Variants in PIKFYVE observed in about 807,000 individuals in gnomAD.
PIKFYVE encodes the protein 1-phosphatidylinositol 3-phosphate 5-kinase.
In PIKFYVE, 122 loss-of-function variants were observed where a neutral mutation model predicts 257.9. The observed-to-expected ratio is 0.47, with a 90% CI of 0.41 to 0.55. The LOEUF (loss-of-function observed/expected upper bound fraction) is 0.55. Among genes scored for constraint, PIKFYVE ranks in the 20% least tolerant of loss-of-function variants. The pLI is 0.00. For synonymous variants in PIKFYVE, 892 were observed against 868.9 expected, an observed-to-expected ratio of 1.03 and a Z score of -0.47; for missense variants, 2,160 against 2,536.6, an observed-to-expected ratio of 0.85 and a Z score of 3.19.
Position 208,325,853 on chromosome 2 carries a change from C to G in PIKFYVE, c.3042C>G (p.Ala1014=), listed in dbSNP as rs1430543936. ...AGGATCCCAAAAGCCAGATAAGAGC[C>G]TTTAGAGACCCTCTACAGGATGACA... ...VLQDPKSQIR[A]FRDPLQDDTG... The change falls in exon 20 of 42, where the codon GCC becomes GCG. Residue 1014 remains alanine, a synonymous_variant. Transcript: ENST00000264380. 6.2e-7 allele frequency: 1 copy of G among 1,613,964 alleles called. No individual in the cohort carries two copies. The highest frequency in any genetic ancestry group is 1.3e-5 in the African/African-American group (1 of 74,896).
In PIKFYVE at chr2:208,358,736, G is replaced by T. The variant is rs942990583; in HGVS notation, c.*3431G>T. 1 of 152,582 alleles carries T rather than the reference G, an allele frequency of 6.6e-6. No individual in the cohort carries two copies. The highest frequency in any genetic ancestry group is 1.5e-5 in the Non-Finnish European group (1 of 68,026). 9.5% of individuals were successfully genotyped at this position (152,582 alleles called of 1,614,324 possible). A position where few individuals can be genotyped will look rare whatever the true frequency, so the allele number is the denominator to read the frequency against. ...TAAAGAAATCTTAACAATAAACTCA[G>T]AATCTACTTACTCCACTTAGTTTTG... On this transcript the variant is annotated 3_prime_UTR_variant, in exon 42 of 42. Coordinates refer to ENST00000264380, the MANE Select transcript of PIKFYVE (RefSeq NM_015040.4).
intron 41 of PIKFYVE, 53 bp downstream of exon 41, chr2:208,354,698 A>G: frequency 6.9e-7 from 1 of 1,444,036 alleles, no homozygotes; most frequent in Admixed American, 1.7e-5. Flanking sequence ...TATCAGTTAA[A>G]ATTTTAAAAG....
At chr2:208,335,669 T>G in intron 25 of PIKFYVE, 124 bp from the exon 26 acceptor site, 1 of 889,332 alleles carries the variant, frequency 1.1e-6, no homozygotes, top group East Asian at 2.5e-5. Flanking sequence ...AAACTGTATG[T>G]AATTCTTAAT....
intron 7 of PIKFYVE, among the ~76,000 whole-genome samples, chr2:208,291,310 GA>G (rs1463152597): frequency 6.6e-6 from 1 of 152,068 alleles, no homozygotes; most frequent in African/African-American, 2.4e-5. Flanking sequence ...ATTGATTTTT[GA>G]ATGTTGAACC....
intron 31 of PIKFYVE, among the ~76,000 whole-genome samples, chr2:208,341,516 A>G (rs149519088): frequency 6.6e-6 from 1 of 152,208 alleles, no homozygotes; most frequent in East Asian, 1.9e-4. Context: ...CTGATGAATT[A>G]CCATAGACTG....
At chr2:208,306,237 T>A (rs1694299265) in intron 12 of PIKFYVE, among the ~76,000 whole-genome samples, 1 of 152,222 alleles carries the variant, frequency 6.6e-6, no homozygotes, top group Admixed American at 6.5e-5. Context: ...GACATCTTTA[T>A]GGAAATCCTC....
intron 17 of PIKFYVE, among the ~76,000 whole-genome samples, chr2:208,321,650 T>C (rs1410841260): frequency 6.7e-6 from 1 of 150,146 alleles, no homozygotes; most frequent in Non-Finnish European, 1.5e-5. Flanking sequence ...CAATCTTGGC[T>C]CACTGAAACC....
rs1699882782 is a variant in PIKFYVE, at chr2:208,352,659, C to T, written c.5721C>T (p.Pro1907=). 2 of 1,613,176 alleles carry T rather than the reference C, an allele frequency of 1.2e-6. No individual in the cohort carries two copies. The highest frequency in any genetic ancestry group is 1.3e-5 in the African/African-American group (1 of 74,846). ...YITNAVQQKR[P]TALAKILGVY... ...TTTGACCTTCTCTTGATTAGAGGCC[C>T]ACGGCGTTGGCCAAAATTCTTGGAG... The change falls in exon 39 of 42, where the codon CCC becomes CCT. Residue 1907 remains proline, a synonymous_variant. Transcript: ENST00000264380.
rs1219723903 is a variant in PIKFYVE at position 208,305,016 on chromosome 2, A to G, written c.1636+3A>G. ...CCCTCACCCTGCTGACCAAAAAGGT[A>G]GGAGGTAGTCACCATCTGGAATCCA... On this transcript the variant is annotated splice_donor_region_variant and intron_variant, in intron 12 of 41. Coordinates refer to ENST00000264380, the MANE Select transcript of PIKFYVE (RefSeq NM_015040.4). 3 of 1,614,082 alleles carry G rather than the reference A, an allele frequency of 1.9e-6. No individual in the cohort carries two copies. The highest frequency in any genetic ancestry group is 2.5e-6 in the Non-Finnish European group (3 of 1,179,972).
In PIKFYVE at chr2:208,353,951, A is replaced by G. The variant is rs1180764679; in HGVS notation, c.5898A>G (p.Gly1966=). The G allele has an allele frequency of 1.2e-6, 2 of 1,614,064 alleles. No homozygotes were observed. The highest frequency in any genetic ancestry group is 1.7e-6 in the Non-Finnish European group (2 of 1,179,934). Residue 1966 remains glycine (G), a synonymous_variant, in exon 40 of 42, where the codon GGA becomes GGG. Coordinates refer to ENST00000264380, the MANE Select transcript of PIKFYVE (RefSeq NM_015040.4). ...LRNRNVKTDT[G]KESCDVVLLD... ...ATCGGAATGTAAAAACTGACACTGGAAAAGAGAGTTGTGATGTGGTCCTGC... is the reference window on the plus strand; with the variant it reads ...ATCGGAATGTAAAAACTGACACTGGGAAAGAGAGTTGTGATGTGGTCCTGC...
At chr2:208,350,459 A>G (rs1357608128) in intron 36 of PIKFYVE, among the ~76,000 whole-genome samples, 3 of 152,344 alleles carry the variant, frequency 2.0e-5, no homozygotes, top group African/African-American at 4.8e-5. Flanking sequence ...AAGAATTACT[A>G]TAAAAGTACA....
rs1559076113 is a variant in PIKFYVE, at chr2:208,297,470, TA to T, written c.912-1165del. 3.9e-5 allele frequency among the ~76,000 whole-genome samples: 6 copies of T among 152,282 alleles called. No homozygotes were observed. The South Asian group carries it at 6.2e-4, about 16-fold the overall frequency. ...CCTGTGAATACTTTCTTAAATTATT[TA>T]AAAAATATTTTTATCTTTATACTGG... On this transcript the variant is annotated intron_variant, in intron 7 of 41. Coordinates refer to ENST00000264380, the MANE Select transcript of PIKFYVE (RefSeq NM_015040.4).
chr2:208,308,259 G>A (rs1208346279), intron 12 of PIKFYVE, among the ~76,000 whole-genome samples: 2 of 151,946 alleles, frequency 1.3e-5, no homozygotes, highest in African/African-American at 4.8e-5. Context: ...AAATTAGCCG[G>A]GTGTGGTGGT....
At position 208,325,547 on chromosome 2, in the gene PIKFYVE, C is replaced by G. The variant is rs1308136517; in HGVS notation, c.2736C>G (p.Pro912=). The part of the protein sequence containing the change: ...VQEQYGGGSI[P]WDPDIPPESL... ...AGCAGTACGGTGGAGGTTCCATCCCCTGGGATCCTGACATCCCTCCTGAGT... is the reference window on the plus strand; with the variant it reads ...AGCAGTACGGTGGAGGTTCCATCCCGTGGGATCCTGACATCCCTCCTGAGT... Residue 912 remains proline (P), a synonymous_variant, in exon 20 of 42, where the codon CCC becomes CCG. Coordinates refer to ENST00000264380, the MANE Select transcript of PIKFYVE (RefSeq NM_015040.4). 3 of 1,613,980 alleles carry G rather than the reference C, an allele frequency of 1.9e-6. No individual in the cohort carries two copies. The African/African-American group carries it at 4.0e-5, about 22-fold the overall frequency.
intron 23 of PIKFYVE, among the ~76,000 whole-genome samples, chr2:208,332,901 C>G (rs538922625): frequency 1.1e-4 from 16 of 152,068 alleles, no homozygotes; most frequent in African/African-American, 3.6e-4. Flanking sequence ...CATTCTTTTC[C>G]CAGTTTTCTG....
chr2:208,320,363 A>G lies in PIKFYVE; in HGVS notation c.2190+4A>G, dbSNP rs1696071151. 1.9e-6 allele frequency: 3 copies of G among 1,611,398 alleles called. No individual in the cohort carries two copies. The highest frequency in any genetic ancestry group is 2.5e-6 in the Non-Finnish European group (3 of 1,178,114). ...CATTGATCCTATTGTGCTTCAGGTA[A>G]GAATTTACTACTGAAAATAATAATT... On this transcript the variant is annotated splice_donor_region_variant and intron_variant, in intron 17 of 41. Coordinates refer to ENST00000264380, the MANE Select transcript of PIKFYVE (RefSeq NM_015040.4).
chr2:208,321,602 A>C (rs920591369), intron 17 of PIKFYVE, among the ~76,000 whole-genome samples: 3 of 134,024 alleles, frequency 2.2e-5, no homozygotes, highest in Non-Finnish European at 4.6e-5. Flanking sequence ...TTTGAGACGA[A>C]GTCTCGCTCT....
chr2:208,290,774 A>G (rs1049025006), intron 7 of PIKFYVE, among the ~76,000 whole-genome samples: 2 of 152,072 alleles, frequency 1.3e-5, no homozygotes, highest in South Asian at 2.1e-4. Context: ...TCCTCATCAC[A>G]TTTGGTGTTG....
chr2:208,293,800 G>A (rs1559070596), intron 7 of PIKFYVE, among the ~76,000 whole-genome samples: 1 of 152,024 alleles, frequency 6.6e-6, no homozygotes, highest in East Asian at 1.9e-4. Context: ...ACAGGTGTGA[G>A]CCACCATGCT....
Sources: allele counts gnomAD v4.1 joint callset (sites outside exome capture counted in the v4.1 genomes callset), GRCh38; gene constraint gnomAD v4.1.1; transcripts MANE v1.5; gene names NCBI Gene and HGNC (gene_info 2026-07-23, HGNC 2026-07-21).